RTEL1: variants seen among roughly 807,000 people sequenced by gnomAD.
RTEL1 encodes regulator of telomere length.
RTEL1 carries 86 observed loss-of-function variants against 162.2 expected under a neutral mutation model. The observed-to-expected ratio is 0.53, with a 90% CI of 0.45 to 0.63. The LOEUF (loss-of-function observed/expected upper bound fraction) is 0.63. Ranked by LOEUF, RTEL1 falls within the 30% of genes least tolerant of loss-of-function variation. The probability of loss-of-function intolerance (pLI) is 0.00; values close to 1 mark genes in which losing one functional copy is unlikely to be tolerated. For synonymous variants in RTEL1, 958 were observed against 717.9 expected, an observed-to-expected ratio of 1.33 and a Z score of -5.35; for missense variants, 1,941 against 1,750.2, an observed-to-expected ratio of 1.11 and a Z score of -1.95.
At position 63,680,650 on chromosome 20, in the gene RTEL1, C is replaced by T; in HGVS notation, c.1136-14C>T. ...TGCCTGCAGTGTGGGTGTCAGCGCC[C>T]TGCTGCCCTCCAGGTGCTGGAGTGT... On this transcript the variant is annotated splice_polypyrimidine_tract_variant and intron_variant, in intron 13 of 34. Transcript: ENST00000360203. The T allele has an allele frequency of 6.2e-7, 1 of 1,612,886 alleles. No homozygotes were observed. The highest frequency in any genetic ancestry group is 8.5e-7 in the Non-Finnish European group (1 of 1,179,890).
rs186271954 is a variant in RTEL1 at position 63,668,137 on chromosome 20, C to G, written c.699+584C>G. 3.5e-4 allele frequency among the ~76,000 whole-genome samples: 53 copies of G among 151,322 alleles called. 2 individuals carry two copies. The highest frequency in any genetic ancestry group is 3.2e-3 in the Admixed American group (49 of 15,222). ...CTCCCCCCGCCAGCATGTGCCCGGCCCCACACTCAACTCCCCTCCTCCCAG... is the reference window on the plus strand; with the variant it reads ...CTCCCCCCGCCAGCATGTGCCCGGCGCCACACTCAACTCCCCTCCTCCCAG... On this transcript the variant is annotated intron_variant, in intron 8 of 34. Transcript: ENST00000360203. The surrounding 1 kb of genome is among the most constrained non-coding windows in gnomAD (Gnocchi z 4.3).
rs936743868 is a variant in RTEL1, at chr20:63,687,530, G to A, written c.1349-108G>A. 28 of 1,283,644 alleles carry A rather than the reference G, an allele frequency of 2.2e-5. No individual in the cohort carries two copies. In the Admixed American group the frequency reaches 2.8e-4, roughly 13 times the overall value. The allele number at this position is 1,283,644 out of a possible 1,614,324, so 79.5% of individuals were successfully genotyped here. On this transcript the variant is annotated intron_variant, in intron 16 of 34. Transcript: ENST00000360203. Reference sequence around the variant, plus strand: ...GGGCCTGGGTGGCTGCCCGCGGCTCGCTTGCTTGATGCCAGTGGGTGGAGA... The same window carrying A: ...GGGCCTGGGTGGCTGCCCGCGGCTCACTTGCTTGATGCCAGTGGGTGGAGA...
chr20:63,673,191 A>G (rs953790931), intron 9 of RTEL1, among the ~76,000 whole-genome samples: 3 of 152,080 alleles, frequency 2.0e-5, no homozygotes. Flanking sequence ...CAAGAGATCA[A>G]GACCATCCTG....
chr20:63,679,971 G>A (rs2090448200), intron 13 of RTEL1, 25 bp downstream of exon 13: 3 of 1,571,978 alleles, frequency 1.9e-6, no homozygotes, highest in South Asian at 1.1e-5. Context: ...GGGGTCTTTG[G>A]TGCGGGCAAA....
intron 20 of RTEL1, 36 bp downstream of exon 20, chr20:63,688,422 G>A (rs1246548492): frequency 6.2e-7 from 1 of 1,608,436 alleles, no homozygotes; most frequent in African/African-American, 1.3e-5. Flanking sequence ...GGGTGGGTGA[G>A]GGCAGGGCTG....
chr20:63,693,273 G>A lies in RTEL1; in HGVS notation c.2982G>A (p.Leu994=), dbSNP rs1187112291. 4 of 1,611,728 alleles carry A rather than the reference G, an allele frequency of 2.5e-6. No individual in the cohort carries two copies. Among genetic ancestry groups the A allele is most frequent in the Admixed American group, 1.7e-5 (1 of 59,950 alleles). The change falls in exon 30 of 35, where the codon CTG becomes CTA. Residue 994 remains leucine, a synonymous_variant. Transcript: ENST00000360203. ...IPRRQRAQPV[L]DPTGRTAPDP... is the part of the protein sequence containing the mutation. ...GAAGGCAGCGGGCACAGCCGGTCCT[G>A]GACCCCACTGGTAAATGGGGCCCCA...
intron 10 of RTEL1, among the ~76,000 whole-genome samples, chr20:63,675,497 TC>T (rs1211232115): frequency 1.9e-4 from 16 of 82,392 alleles, no homozygotes; most frequent in African/African-American, 1.0e-3. Context: ...GGCTTTAGAA[TC>T]CCTTTATATA....
At chr20:63,690,655 C>G in intron 26 of RTEL1, 150 bp from the exon 27 acceptor site, 1 of 1,042,014 alleles carries the variant, frequency 9.6e-7, no homozygotes, top group East Asian at 2.6e-5. Context: ...GGATGCCCCC[C>G]GAGGCTGAGA....
In RTEL1 at chr20:63,668,808, C is replaced by T. The variant is rs538505274; in HGVS notation, c.699+1255C>T. Among the ~76,000 whole-genome samples the T allele has an allele frequency of 1.4e-4, 21 of 152,132 alleles. No individual in the cohort carries two copies. The highest frequency in any genetic ancestry group is 5.1e-4 in the African/African-American group (21 of 41,400). Reference sequence around the variant, plus strand: ...GCCGAGTCTAACACTTTCACGGAAACGCAGAAGATCTAAAACAGCAAGATG... The same window carrying T: ...GCCGAGTCTAACACTTTCACGGAAATGCAGAAGATCTAAAACAGCAAGATG... On this transcript the variant is annotated intron_variant, in intron 8 of 34. Coordinates refer to ENST00000360203, the MANE Select transcript of RTEL1 (RefSeq NM_001283009.2). The surrounding 1 kb of genome is among the most constrained non-coding windows in gnomAD (Gnocchi z 4.3).
Position 63,668,072 on chromosome 20 carries a change from C to T in RTEL1, c.699+519C>T, listed in dbSNP as rs113804457. ...TCCCCTCCTCCCAGTGTGTGCCCAGCCCCACTCCCTTCCGCCCCGTGTGCC... is the reference window on the plus strand; with the variant it reads ...TCCCCTCCTCCCAGTGTGTGCCCAGTCCCACTCCCTTCCGCCCCGTGTGCC... On this transcript the variant is annotated intron_variant, in intron 8 of 34. Coordinates refer to ENST00000360203, the MANE Select transcript of RTEL1 (RefSeq NM_001283009.2). The surrounding 1 kb of genome is among the most constrained non-coding windows in gnomAD (Gnocchi z 4.3). 4.7e-5 allele frequency among the ~76,000 whole-genome samples: 7 copies of T among 148,194 alleles called. No homozygotes were observed. Among genetic ancestry groups the T allele is most frequent in the African/African-American group, 1.5e-4 (6 of 40,032 alleles).
intron 14 of RTEL1, chr20:63,681,582 T>C (rs1443427483): frequency 1.0e-6 from 1 of 985,152 alleles, no homozygotes; most frequent in African/African-American, 1.7e-5. Flanking sequence ...AGAAGAACCC[T>C]GGGATGCATG....
chr20:63,692,959 G>T lies in RTEL1; in HGVS notation c.2807G>T (p.Gly936Val), dbSNP rs771615945. ...TTCGCCGCCCTGGCCGCCTGTCTCG[G>T]CCCCCTCTTTGCTGAGGACCCCAAG... ...DDFAALAACL[G>V]PLFAEDPKKH... The change falls in exon 29 of 35, where the codon GGC becomes GTC. Residue 936 changes from glycine to valine, a missense_variant. Transcript: ENST00000360203. The T allele has an allele frequency of 1.2e-6, 2 of 1,612,624 alleles. No individual in the cohort carries two copies. Among genetic ancestry groups the T allele is most frequent in the Non-Finnish European group, 1.7e-6 (2 of 1,179,854 alleles).
In RTEL1 at chr20:63,693,062, T is replaced by C; in HGVS notation, c.2851+59T>C. 6 of 1,609,554 alleles carry C rather than the reference T, an allele frequency of 3.7e-6. No individual in the cohort carries two copies. In the Admixed American group the frequency reaches 1.0e-4, roughly 27 times the overall value. The stretch of plus-strand genomic sequence containing the variant: ...GGCAGTGCTGCCGCCGCGTGTGGGG[T>C]GGGGGCCATCTGGGTCCAAGGTGGT... On this transcript the variant is annotated intron_variant, in intron 29 of 34. Transcript: ENST00000360203.
intron 2 of RTEL1, chr20:63,660,620 A>T (rs954162155): frequency 6.5e-6 from 1 of 152,684 alleles, no homozygotes; most frequent in African/African-American, 2.4e-5. Flanking sequence ...GGAGTGTGTT[A>T]TGTCTTCCCT....
chr20:63,688,063 C>G lies in RTEL1; in HGVS notation c.1595+13C>G. 6.2e-7 allele frequency: 1 copy of G among 1,611,790 alleles called. No individual in the cohort carries two copies. The highest frequency in any genetic ancestry group is 8.5e-7 in the Non-Finnish European group (1 of 1,179,122). On this transcript the variant is annotated intron_variant, in intron 18 of 34. Transcript: ENST00000360203. ...CGTTTGACAGACGGTGAGGGCCTGT[C>G]CCTGGGCCCTGCTGGGGTGGGAGGT...
In RTEL1 at chr20:63,659,293, C is replaced by A; in HGVS notation, c.-110C>A. The A allele has an allele frequency of 1.4e-6, 1 of 735,806 alleles. No homozygotes were observed. Among genetic ancestry groups the A allele is most frequent in the Non-Finnish European group, 2.5e-6 (1 of 404,360 alleles). 45.6% of individuals were successfully genotyped at this position (735,806 alleles called of 1,614,324 possible). ...TGTGTCCCAGTGCACATGCTCGCAT[C>A]GCTTACCAGGAGTGCCCGAGACCCT... On this transcript the variant is annotated 5_prime_UTR_variant, in exon 2 of 35. It introduces an in-frame stop codon into an upstream open reading frame of the 5' UTR. Coordinates refer to ENST00000360203, the MANE Select transcript of RTEL1 (RefSeq NM_001283009.2).
At position 63,692,885 on chromosome 20, in the gene RTEL1, C is replaced by T. The variant is rs372027131; in HGVS notation, c.2733C>T (p.Asn911=). ...TGAAGCAGGAGTTGAGCCAAGCCAA[C>T]TTTGCCACCTTCACCCAGGCCCTGC... The part of the protein sequence containing the change: ...VAVKQELSQA[N]FATFTQALQD... The change falls in exon 29 of 35, where the codon AAC becomes AAT. Residue 911 remains asparagine, a synonymous_variant. Transcript: ENST00000360203. 6.2e-7 allele frequency: 1 copy of T among 1,612,668 alleles called. No individual in the cohort carries two copies. Among genetic ancestry groups the T allele is most frequent in the East Asian group, 2.2e-5 (1 of 44,886 alleles).
intron 12 of RTEL1, among the ~76,000 whole-genome samples, chr20:63,678,585 G>GGAACAGCACACACACCCCCAC (rs1569095449): frequency 1.1e-5 from 1 of 87,152 alleles, no homozygotes; most frequent in African/African-American, 4.5e-5. Flanking sequence ...ACACACCCAT[G>GGAACAGCACACACACCCCCAC]GAACAGCACA....
chr20:63,694,832 C>T lies in RTEL1; in HGVS notation c.3201C>T (p.Ala1067=), dbSNP rs773498759. ...CCGTGAGCGCCTACCTGGCTGATGCCCGCAGGGCCCTGGGGTCCGCGGGCT... is the reference window on the plus strand; with the variant it reads ...CCGTGAGCGCCTACCTGGCTGATGCTCGCAGGGCCCTGGGGTCCGCGGGCT... ...QHAVSAYLAD[A]RRALGSAGCS... The change falls in exon 32 of 35, where the codon GCC becomes GCT. Residue 1067 remains alanine, a synonymous_variant. Transcript: ENST00000360203. 6 of 1,612,462 alleles carry T rather than the reference C, an allele frequency of 3.7e-6. No individual in the cohort carries two copies. In the Admixed American group the frequency reaches 8.3e-5, roughly 22 times the overall value.
Sources: gnomAD v4.1 joint callset for allele counts (sites outside exome capture counted in the v4.1 genomes callset) on GRCh38, gnomAD v4.1.1 for gene constraint, Gnocchi (gnomAD v3.1) non-coding constraint, MANE v1.5 for transcripts, NCBI Gene and HGNC (gene_info 2026-07-23, HGNC 2026-07-21) for gene names.